DENND2B: variants seen among roughly 807,000 people sequenced by gnomAD.
DENND2B encodes the protein DENN domain-containing protein 2B.
Under a neutral mutation model 116.0 loss-of-function variants are expected in DENND2B, and 32 were observed. The ratio of observed to expected loss-of-function variants is 0.28; its 90% CI spans 0.21 to 0.37. The LOEUF is 0.37. Ranked by LOEUF, DENND2B falls within the 10% of genes least tolerant of loss-of-function variation. DENND2B has a pLI of 1.00. For synonymous variants in DENND2B, 588 were observed against 583.9 expected, an observed-to-expected ratio of 1.01 and a Z score of -0.10; for missense variants, 1,276 against 1,477.7, an observed-to-expected ratio of 0.86 and a Z score of 2.24.
chr11:8,726,116 T>C lies in DENND2B; in HGVS notation c.1434A>G (p.Gly478=). ...ENGTENQPKF[G]SKSTLEENAY... is the part of the protein sequence containing the mutation. ...CATTTTCTTCTAAAGTGCTTTTGGA[T>C]CCAAACTTGGGTTGGTTCTCAGTAC... Residue 478 remains glycine (G), a synonymous_variant, in exon 4 of 20, where the codon GGA becomes GGG. Coordinates refer to ENST00000313726, the MANE Select transcript of DENND2B (RefSeq NM_213618.2). 1 of 1,614,174 alleles carries C rather than the reference T, an allele frequency of 6.2e-7. No homozygotes were observed. Among genetic ancestry groups the C allele is most frequent in the Non-Finnish European group, 8.5e-7 (1 of 1,180,006 alleles).
At chr11:8,772,838 A>C (rs1291872091) in intron 1 of DENND2B, among the ~76,000 whole-genome samples, 1 of 151,986 alleles carries the variant, frequency 6.6e-6, no homozygotes, top group Non-Finnish European at 1.5e-5. Context: ...CTGCCTTTCC[A>C]GGGGTGAGTG....
chr11:8,744,924 A>ATT (rs34208987), intron 2 of DENND2B, among the ~76,000 whole-genome samples: 3,058 of 145,638 alleles, frequency 0.021, 101 homozygotes, highest in African/African-American at 0.069. Flanking sequence ...TCCAGACCTG[A>ATT]TTTTTTTTTT....
intron 1 of DENND2B, among the ~76,000 whole-genome samples, chr11:8,801,689 A>AAAAGAAAGAAAGAAAG (rs1555198990): frequency 3.9e-4 from 46 of 117,700 alleles, no homozygotes; most frequent in African/African-American, 1.4e-3. Context: ...AAAAAAAAAA[A>AAAAGAAAGAAAGAAAG]AAAGAAAGAA....
At chr11:8,699,879 C>G (rs995503705) in intron 14 of DENND2B, 6 of 456,384 alleles carry the variant, frequency 1.3e-5, no homozygotes, top group Non-Finnish European at 2.6e-5. Context: ...CAGCCAGAGG[C>G]AGACCCCAGG....
upstream of DENND2B, chr11:8,811,271 G>A (rs1394049574): frequency 7.5e-6 from 3 of 398,494 alleles, no homozygotes; most frequent in Non-Finnish European, 1.3e-5. Context: ...AGGTTGTGGC[G>A]ATGGCTTTAA....
Position 8,696,845 on chromosome 11 carries a change from G to A in DENND2B, c.3053-179C>T, listed in dbSNP as rs1034182301. Among the ~76,000 whole-genome samples, 8 of 152,148 alleles carry A rather than the reference G, an allele frequency of 5.3e-5. 1 individual carries two copies. The South Asian group carries it at 1.0e-3, about 20-fold the overall frequency. On this transcript the variant is annotated intron_variant, in intron 17 of 19. Transcript: ENST00000313726. ...GTTGCCCAAGTTAGAGTGCAATGGC[G>A]CCATCTCAGCTCATTGCAACCTCCG...
At chr11:8,845,533 A>G (rs1271054891) in intron 3 of DENND2B, among the ~76,000 whole-genome samples, 1 of 152,216 alleles carries the variant, frequency 6.6e-6, no homozygotes, top group East Asian at 1.9e-4. Flanking sequence ...ACAGTCATTC[A>G]CTTTCCTAAT....
chr11:8,807,674 C>T (rs780832381), intron 1 of DENND2B, among the ~76,000 whole-genome samples: 4 of 152,150 alleles, frequency 2.6e-5, no homozygotes, highest in Non-Finnish European at 4.4e-5. Context: ...CCTTAAGGAA[C>T]ATAGACAGAT....
intron 1 of DENND2B, among the ~76,000 whole-genome samples, chr11:8,758,221 C>T (rs746056685): frequency 1.3e-5 from 2 of 152,168 alleles, no homozygotes; most frequent in African/African-American, 2.4e-5. Context: ...CACCATCTTC[C>T]CAAGAATCTG....
intron 1 of DENND2B, among the ~76,000 whole-genome samples, chr11:8,791,967 G>A (rs1456443348): frequency 1.5e-5 from 2 of 134,832 alleles, no homozygotes; most frequent in Non-Finnish European, 1.6e-5. Flanking sequence ...CACTTTGGGA[G>A]GCCAAGGCGC....
chr11:8,774,206 G>A (rs2057316210), intron 1 of DENND2B: 2 of 985,420 alleles, frequency 2.0e-6, no homozygotes, highest in Non-Finnish European at 2.4e-6. Context: ...AACTGCAGCT[G>A]GAGACCCTAC....
chr11:8,700,477 C>G (rs1437063520), intron 14 of DENND2B, among the ~76,000 whole-genome samples: 1 of 152,180 alleles, frequency 6.6e-6, no homozygotes, highest in Non-Finnish European at 1.5e-5. Flanking sequence ...GATGGGCCTG[C>G]GTTCCTGTCC....
At chr11:8,716,678 C>T (rs1592626827) in intron 5 of DENND2B, among the ~76,000 whole-genome samples, 2 of 150,774 alleles carry the variant, frequency 1.3e-5, no homozygotes, top group South Asian at 2.1e-4. Flanking sequence ...GACGGAGTCT[C>T]GCTGTGTCGC....
At chr11:8,798,176 C>T (rs527586338) in intron 1 of DENND2B, among the ~76,000 whole-genome samples, 3 of 152,184 alleles carry the variant, frequency 2.0e-5, no homozygotes, top group Admixed American at 1.3e-4. Context: ...ACTCACTACA[C>T]GTCAAGCTCC....
At chr11:8,739,934 C>T (rs553043052) in intron 2 of DENND2B, among the ~76,000 whole-genome samples, 22 of 152,176 alleles carry the variant, frequency 1.4e-4, no homozygotes, top group African/African-American at 5.1e-4. Context: ...GCCTCTAATT[C>T]CAACAATTTG....
intron 1 of DENND2B, among the ~76,000 whole-genome samples, chr11:8,898,736 T>C (rs765096882): frequency 6.6e-6 from 1 of 152,236 alleles, no homozygotes; most frequent in Non-Finnish European, 1.5e-5. Context: ...CTACAAAGCC[T>C]AAAATATTTT....
At chr11:8,785,705 G>T (rs2058839977) in intron 1 of DENND2B, 1 of 152,240 alleles carries the variant, frequency 6.6e-6, no homozygotes, top group South Asian at 2.1e-4. Flanking sequence ...GAGAAGAGAA[G>T]GGAGGAATGC....
rs1565919434 is a variant in DENND2B at position 8,774,877 on chromosome 11, A to ATTTTTTT, written c.-25-24153_-25-24152insAAAAAAA. Among the ~76,000 whole-genome samples, 4 of 143,720 alleles carry ATTTTTTT rather than the reference A, an allele frequency of 2.8e-5. 1 individual carries two copies. The highest frequency in any genetic ancestry group is 1.0e-4 in the African/African-American group (4 of 38,638). 94.3% of individuals were successfully genotyped at this position (143,720 alleles called of 152,430 possible). A position where few individuals can be genotyped will look rare whatever the true frequency, so the allele number is the denominator to read the frequency against. Reference sequence around the variant, plus strand: ...TTATTTTTTTCGTTTTTTTTTTTTAATTATTATTTTCACTTTTTTTTGAGA... The same window carrying ATTTTTTT: ...TTATTTTTTTCGTTTTTTTTTTTTAATTTTTTTTTATTATTTTCACTTTTTTTTGAGA... On this transcript the variant is annotated intron_variant, in intron 1 of 19. Transcript: ENST00000313726.
rs116074652 is a variant in DENND2B, at chr11:8,804,944, T to C, written c.-26+5573A>G. On this transcript the variant is annotated intron_variant, in intron 1 of 19. Transcript: ENST00000313726. ...ACTCTCTTCAAAATGCTGCTGTAAG[T>C]TGATAATAATATACTGGAAAGCATT... Among the ~76,000 whole-genome samples the C allele has an allele frequency of 3.5e-3, 526 of 152,316 alleles. 2 individuals are homozygous for C. The highest frequency in any genetic ancestry group is 0.011 in the African/African-American group (470 of 41,560).
Sources: allele counts gnomAD v4.1 joint callset (sites outside exome capture counted in the v4.1 genomes callset), GRCh38; gene constraint gnomAD v4.1.1; transcripts MANE v1.5; gene names NCBI Gene and HGNC (gene_info 2026-07-23, HGNC 2026-07-21).